Variants in MAGI2 observed in about 807,000 individuals in gnomAD.
MAGI2 encodes the protein membrane associated guanylate kinase, WW and PDZ domain containing 2, also known as membrane-associated guanylate kinase, WW and PDZ domain-containing protein 2.
A neutral mutation model predicts 133.3 loss-of-function variants in MAGI2; 35 were observed. The observed-to-expected ratio is 0.26, with a 90% CI of 0.20 to 0.35. The LOEUF (loss-of-function observed/expected upper bound fraction) is 0.35, where lower values mean the gene tolerates loss of function less well. Among genes scored for constraint, MAGI2 ranks in the 10% least tolerant of loss-of-function variants. The pLI, the probability that MAGI2 is intolerant of heterozygous loss-of-function variation, is 1.00. For synonymous variants in MAGI2, 729 were observed against 710.6 expected (o/e 1.03, Z -0.41); for missense variants, 1,636 against 1,863.4 (o/e 0.88, Z 2.25).
intron 6 of MAGI2, among the ~76,000 whole-genome samples, chr7:78,379,865 A>T (rs1304932224): frequency 6.6e-6 from 1 of 152,108 alleles, no homozygotes; most frequent in Non-Finnish European, 1.5e-5. Context: ...TAATGCAATA[A>T]AATGTAGATG....
intron 3 of MAGI2, among the ~76,000 whole-genome samples, chr7:78,531,564 G>A (rs113248505): frequency 2.6e-3 from 390 of 152,160 alleles, no homozygotes; most frequent in African/African-American, 9.0e-3. Flanking sequence ...AGACAATCCC[G>A]TCATGGCTCA....
intron 2 of MAGI2, among the ~76,000 whole-genome samples, chr7:78,732,832 T>C (rs1251267399): frequency 6.6e-6 from 1 of 152,094 alleles, no homozygotes; most frequent in Admixed American, 6.6e-5. Flanking sequence ...TTTTTTAGGG[T>C]GTAAAGTAAC....
intron 20 of MAGI2, among the ~76,000 whole-genome samples, chr7:78,101,429 G>C (rs1294152196): frequency 6.6e-6 from 1 of 152,144 alleles, no homozygotes; most frequent in African/African-American, 2.4e-5. Flanking sequence ...AACAACATGA[G>C]TGATAAGAAT....
intron 6 of MAGI2, among the ~76,000 whole-genome samples, chr7:78,454,618 G>A (rs1698861172): frequency 6.6e-6 from 1 of 152,156 alleles, no homozygotes; most frequent in Admixed American, 6.5e-5. Context: ...ACCTGCATGT[G>A]AATGTTTGTA....
At chr7:78,489,914 G>T (rs1377556528) in intron 5 of MAGI2, 74 bp from the exon 6 acceptor site, 3 of 733,580 alleles carry the variant, frequency 4.1e-6, no homozygotes, top group Non-Finnish European at 6.2e-6. Context: ...GAAAAAAAAA[G>T]CAGGGTTAGT....
At chr7:78,119,276 C>T (rs899988997) in intron 20 of MAGI2, among the ~76,000 whole-genome samples, 2 of 152,070 alleles carry the variant, frequency 1.3e-5, no homozygotes, top group African/African-American at 4.8e-5. Context: ...ATGTACGACA[C>T]CGGCCGGGGG....
intron 1 of MAGI2, among the ~76,000 whole-genome samples, chr7:79,187,631 A>G (rs1326759989): frequency 6.6e-6 from 1 of 151,918 alleles, no homozygotes; most frequent in African/African-American, 2.4e-5. Flanking sequence ...CTGATAGTAG[A>G]TCTGAATTGT....
intron 21 of MAGI2, among the ~76,000 whole-genome samples, chr7:78,071,461 T>G (rs1814689843): frequency 6.6e-6 from 1 of 152,146 alleles, no homozygotes; most frequent in Non-Finnish European, 1.5e-5. Context: ...CGCTTGAACC[T>G]GGGAGGTGGA....
intron 1 of MAGI2, among the ~76,000 whole-genome samples, chr7:79,255,341 T>C (rs1389289056): frequency 6.6e-6 from 1 of 152,198 alleles, no homozygotes; most frequent in African/African-American, 2.4e-5. Flanking sequence ...ATGGGAGTTG[T>C]CAGCTAGAGG....
chr7:78,738,667 G>A (rs7807809), intron 2 of MAGI2, among the ~76,000 whole-genome samples: 99,004 of 151,930 alleles, frequency 0.65, 32,623 homozygotes, highest in African/African-American at 0.71. Flanking sequence ...AACTCTAAAG[G>A]AGGATGTTCA....
intron 2 of MAGI2, among the ~76,000 whole-genome samples, chr7:78,948,856 C>T (rs1349374603): frequency 6.6e-6 from 1 of 152,006 alleles, no homozygotes; most frequent in African/African-American, 2.4e-5. Context: ...TTGATGTGTG[C>T]TTTCCATAAG....
rs3061272 is a variant in MAGI2, at chr7:78,407,654, CT to C, written c.1046-38442del. 1.3e-3 allele frequency among the ~76,000 whole-genome samples: 188 copies of C among 148,462 alleles called. 1 individual carries two copies. Among genetic ancestry groups the C allele is most frequent in the East Asian group, 3.4e-3 (17 of 4,932 alleles). ...TATCAAGCTGCTGCAGCTTCTTCTACTTTTTTTTTTTTTTTAAATTCCAACG... is the reference window on the plus strand; with the variant it reads ...TATCAAGCTGCTGCAGCTTCTTCTACTTTTTTTTTTTTTTAAATTCCAACG... On this transcript the variant is annotated intron_variant, in intron 6 of 21. Transcript: ENST00000354212.
At chr7:78,143,537 A>G (rs1253512351) in intron 16 of MAGI2, among the ~76,000 whole-genome samples, 1 of 152,198 alleles carries the variant, frequency 6.6e-6, no homozygotes, top group East Asian at 1.9e-4. Flanking sequence ...CAAAATTCAT[A>G]TAATGTAAAA....
At chr7:78,726,842 TC>T (rs752467841) in intron 2 of MAGI2, among the ~76,000 whole-genome samples, 4 of 152,118 alleles carry the variant, frequency 2.6e-5, no homozygotes, top group African/African-American at 9.7e-5. Flanking sequence ...AAGAATCACA[TC>T]TTTTTAGGCA....
intron 10 of MAGI2, among the ~76,000 whole-genome samples, chr7:78,247,180 C>T (rs1057102630): frequency 2.0e-5 from 3 of 152,074 alleles, no homozygotes; most frequent in Non-Finnish European, 2.9e-5. Context: ...GTGGAGAAAA[C>T]ATGATCAGGA....
At chr7:79,270,898 C>A (rs923682367) in intron 1 of MAGI2, among the ~76,000 whole-genome samples, 14 of 151,868 alleles carry the variant, frequency 9.2e-5, no homozygotes, top group African/African-American at 3.1e-4. Flanking sequence ...TTTGACACTA[C>A]CAATTTACCA....
intron 6 of MAGI2, among the ~76,000 whole-genome samples, chr7:78,427,313 A>G (rs999064000): frequency 4.6e-5 from 7 of 152,168 alleles, no homozygotes; most frequent in African/African-American, 1.7e-4. Context: ...GGCTGGATAA[A>G]AAAAGGCAAT....
At chr7:78,722,667 G>A (rs759248706) in intron 2 of MAGI2, among the ~76,000 whole-genome samples, 18 of 152,030 alleles carry the variant, frequency 1.2e-4, no homozygotes, top group African/African-American at 2.7e-4. Context: ...AGTTAATAAC[G>A]TAAGCAGTAA....
intron 9 of MAGI2, among the ~76,000 whole-genome samples, chr7:78,308,864 G>A (rs556707738): frequency 4.4e-4 from 67 of 152,280 alleles, no homozygotes; most frequent in African/African-American, 1.5e-3. Context: ...ATAATACATA[G>A]TTTATCTGGT....
Sources: allele counts gnomAD v4.1 joint callset (sites outside exome capture counted in the v4.1 genomes callset), GRCh38; gene constraint gnomAD v4.1.1; transcripts MANE v1.5; gene names NCBI Gene and HGNC (gene_info 2026-07-23, HGNC 2026-07-21).